CKMT2: variants seen among roughly 807,000 people sequenced by gnomAD.
The protein encoded by CKMT2 is creatine kinase, mitochondrial 2.
A neutral mutation model predicts 48.9 loss-of-function variants in CKMT2; 43 were observed. That is an observed-to-expected ratio of 0.88 (90% CI 0.69 to 1.13). The LOEUF (loss-of-function observed/expected upper bound fraction) is 1.13. Among genes scored for constraint, CKMT2 ranks in the 50% most tolerant of loss-of-function variants. The pLI, the probability that CKMT2 is intolerant of heterozygous loss-of-function variation, is 0.00. For missense variants in CKMT2, 472 were observed against 555.4 expected, an observed-to-expected ratio of 0.85 and a Z score of 1.51; for synonymous variants, 206 against 213.0, an observed-to-expected ratio of 0.97 and a Z score of 0.29.
At chr5:81,266,117 T>TTCA in intron 9 of CKMT2, 22 bp from the exon 10 acceptor site, 1 of 1,608,862 alleles carries the variant, frequency 6.2e-7, no homozygotes, top group Non-Finnish European at 8.5e-7. Context: ...AAATTAATCA[T>TTCA]TCATCTTCTT....
At chr5:81,238,424 G>T (rs1217864023) in intron 1 of CKMT2, 1 of 152,150 alleles carries the variant, frequency 6.6e-6, no homozygotes, top group Non-Finnish European at 1.5e-5. Flanking sequence ...AAGTGCTGTA[G>T]GTGTTCTAAA....
At chr5:81,260,219 A>AGTGT (rs1226829694) in intron 8 of CKMT2, among the ~76,000 whole-genome samples, 5 of 151,590 alleles carry the variant, frequency 3.3e-5, no homozygotes, top group African/African-American at 9.8e-5. Flanking sequence ...CAGCTAAAGC[A>AGTGT]GTGTTTAGAG....
chr5:81,239,631 T>C (rs1756368239), intron 1 of CKMT2, among the ~76,000 whole-genome samples: 1 of 152,124 alleles, frequency 6.6e-6, no homozygotes, highest in South Asian at 2.1e-4. Flanking sequence ...AGGCATGCAA[T>C]ACAGTACTTT....
chr5:81,257,634 A>G lies in CKMT2; in HGVS notation c.756-99A>G. The G allele has an allele frequency of 3.0e-6, 3 of 1,001,656 alleles. No homozygotes were observed. In the Admixed American group the frequency reaches 7.4e-5, roughly 25 times the overall value. 62.0% of individuals were successfully genotyped at this position (1,001,656 alleles called of 1,614,324 possible). ...GATTAGGGCCATCTAGGAAATGAGG[A>G]AGGTGAAATGAAGCAATCAAGCTAG... is the stretch of plus-strand genomic sequence containing the variant. On this transcript the variant is annotated intron_variant, in intron 6 of 9. Transcript: ENST00000254035.
intron 8 of CKMT2, among the ~76,000 whole-genome samples, chr5:81,261,896 C>A (rs1197934060): frequency 6.6e-6 from 1 of 152,082 alleles, no homozygotes; most frequent in African/African-American, 2.4e-5. Context: ...CAATCCTAAG[C>A]AAAAAGAACA....
rs1175896477 is a variant in CKMT2, at chr5:81,263,594, T to C, written c.1118T>C (p.Ile373Thr). The part of the protein sequence containing the change: ...AVADVYDISN[I>T]DRIGRSEVEL... ...GCAGATGTGTACGACATTTCCAACA[T>C]AGATAGAATTGGTCGATCAGAGGTA... Residue 373 changes from isoleucine to threonine, a missense_variant, in exon 9 of 10, where the codon ATA becomes ACA. By Grantham distance (89) the Ile-to-Thr change is moderately conservative. Transcript: ENST00000254035. 8.1e-6 allele frequency: 13 copies of C among 1,612,026 alleles called. No individual in the cohort carries two copies. Among genetic ancestry groups the C allele is most frequent in the Admixed American group, 1.7e-5 (1 of 59,910 alleles).
At chr5:81,258,745 G>A (rs1259566278) in intron 7 of CKMT2, among the ~76,000 whole-genome samples, 1 of 152,174 alleles carries the variant, frequency 6.6e-6, no homozygotes, top group Non-Finnish European at 1.5e-5. Context: ...GCATGTGAGG[G>A]ATCTAGGTTG....
chr5:81,252,509 C>T (rs977086153), intron 2 of CKMT2, among the ~76,000 whole-genome samples, 186 bp from the exon 3 acceptor site: 1 of 152,250 alleles, frequency 6.6e-6, no homozygotes, highest in Admixed American at 6.5e-5. Flanking sequence ...TCCCCGCTCT[C>T]GTGGAGCTTG....
chr5:81,245,776 A>G (rs7720009), intron 1 of CKMT2, among the ~76,000 whole-genome samples: 29,350 of 151,996 alleles, frequency 0.19, 3,042 homozygotes, highest in Admixed American at 0.28. Context: ...AGAGCTGTGA[A>G]GAGTCCCAGC....
chr5:81,259,938 T>G (rs1324686575), intron 8 of CKMT2, among the ~76,000 whole-genome samples: 1 of 152,168 alleles, frequency 6.6e-6, no homozygotes, highest in Non-Finnish European at 1.5e-5. Flanking sequence ...CAGCATCACA[T>G]CGCACTTATT....
Position 81,251,182 on chromosome 5 carries a change from T to C in CKMT2, c.50T>C (p.Leu17Pro). ...CTAACTGGCCGCAATGCTTCTCTGC[T>C]GTTTGCTACCATGGGCACCAGTGTC... ...KLLTGRNASL[L>P]FATMGTSVLT... Residue 17 changes from leucine (L) to proline (P), a missense_variant, in exon 2 of 10, where the codon CTG (leucine) becomes CCG (proline). Leu to Pro is a moderately conservative substitution (Grantham distance 98). Transcript: ENST00000254035. 1 of 1,614,180 alleles carries C rather than the reference T, an allele frequency of 6.2e-7. No individual in the cohort carries two copies. The highest frequency in any genetic ancestry group is 1.1e-5 in the South Asian group (1 of 91,082).
chr5:81,238,742 C>T (rs550090964), intron 1 of CKMT2: 1 of 152,572 alleles, frequency 6.6e-6, no homozygotes, highest in South Asian at 2.1e-4. Flanking sequence ...CTCCCTTTAT[C>T]CACCAGGCAA....
intron 8 of CKMT2, among the ~76,000 whole-genome samples, chr5:81,259,627 G>T (rs1757139775): frequency 6.6e-6 from 1 of 152,146 alleles, no homozygotes; most frequent in East Asian, 1.9e-4. Context: ...AACACAAGTT[G>T]CTAGGCCCCA....
At chr5:81,250,931 G>C in intron 1 of CKMT2, 182 bp from the exon 2 acceptor site, 1 of 250,954 alleles carries the variant, frequency 4.0e-6, no homozygotes, top group Non-Finnish European at 6.9e-6. Context: ...AGCAAAGCAA[G>C]AAATAGAAAA....
intron 7 of CKMT2, 191 bp downstream of exon 7, chr5:81,258,047 C>T: frequency 2.2e-6 from 1 of 449,172 alleles, no homozygotes. Context: ...TTACAGGTGC[C>T]ACCACCACAC....
chr5:81,235,382 T>C (rs905327891), intron 1 of CKMT2, among the ~76,000 whole-genome samples: 3 of 152,140 alleles, frequency 2.0e-5, no homozygotes, highest in African/African-American at 4.8e-5. Context: ...TTGTTCAGAG[T>C]GTTCTGTGGA....
intron 1 of CKMT2, among the ~76,000 whole-genome samples, chr5:81,248,986 A>C (rs1756705672): frequency 6.6e-6 from 1 of 151,910 alleles, no homozygotes; most frequent in Non-Finnish European, 1.5e-5. Flanking sequence ...CAATCAATTC[A>C]GCTAAGTTTG....
chr5:81,249,668 C>G (rs989304194), intron 1 of CKMT2, among the ~76,000 whole-genome samples: 2 of 147,536 alleles, frequency 1.4e-5, no homozygotes, highest in African/African-American at 5.0e-5. Flanking sequence ...AGGCTCTCTC[C>G]TTATGCTGTC....
chr5:81,243,165 C>T (rs1367704707), intron 1 of CKMT2, among the ~76,000 whole-genome samples: 1 of 152,150 alleles, frequency 6.6e-6, no homozygotes, highest in East Asian at 1.9e-4. Context: ...GAAGACAATA[C>T]AAACATTAGG....
Sources: allele counts gnomAD v4.1 joint callset (sites outside exome capture counted in the v4.1 genomes callset), GRCh38; gene constraint gnomAD v4.1.1; transcripts MANE v1.5; gene names NCBI Gene and HGNC (gene_info 2026-07-23, HGNC 2026-07-21).